The following GPM6A variants were observed in gnomAD, a reference collection of about 807,000 sequenced individuals.
GPM6A encodes the protein glycoprotein M6A.
Under a neutral mutation model 32.1 loss-of-function variants are expected in GPM6A, and 7 were observed. The ratio of observed to expected loss-of-function variants is 0.22; its 90% CI spans 0.12 to 0.41. The LOEUF is 0.41. GPM6A is among the 10% of genes least tolerant of loss of function. GPM6A has a pLI of 1.00. For synonymous variants in GPM6A, 130 were observed against 123.4 expected (o/e 1.05, Z -0.35); for missense variants, 235 against 347.2 (o/e 0.68, Z 2.57).
intron 1 of GPM6A, among the ~76,000 whole-genome samples, chr4:175,952,769 G>C (rs569436011): frequency 2.6e-4 from 39 of 152,054 alleles, no homozygotes; most frequent in Non-Finnish European, 5.4e-4. Flanking sequence ...ATCCGGTGGG[G>C]GCATGGGAAC....
chr4:175,702,835 G>T (rs1010304070), intron 1 of GPM6A, among the ~76,000 whole-genome samples: 1 of 152,086 alleles, frequency 6.6e-6, no homozygotes, highest in African/African-American at 2.4e-5. Flanking sequence ...ATGTAGTAAG[G>T]GAAATTATTT....
intron 1 of GPM6A, among the ~76,000 whole-genome samples, chr4:175,932,295 T>C (rs1459686783): frequency 6.6e-6 from 1 of 152,070 alleles, no homozygotes; most frequent in Non-Finnish European, 1.5e-5. Flanking sequence ...AAGGCTCTTA[T>C]AAACAAGACT....
chr4:175,696,969 A>G (rs1744615963), intron 2 of GPM6A, among the ~76,000 whole-genome samples: 1 of 152,174 alleles, frequency 6.6e-6, no homozygotes, highest in South Asian at 2.1e-4. Context: ...GTAAATAGGA[A>G]CTATTTTATA....
At chr4:175,682,467 C>T (rs186360647) in intron 2 of GPM6A, among the ~76,000 whole-genome samples, 108 of 152,134 alleles carry the variant, frequency 7.1e-4, no homozygotes, top group African/African-American at 2.4e-3. Flanking sequence ...ATATGCATAA[C>T]GGAAAAAGAG....
intron 3 of GPM6A, among the ~76,000 whole-genome samples, chr4:175,659,176 G>A (rs1199480813): frequency 1.3e-5 from 2 of 150,624 alleles, no homozygotes; most frequent in African/African-American, 2.4e-5. Context: ...TCCTCCTCCC[G>A]GGTTCAAGCG....
intron 1 of GPM6A, among the ~76,000 whole-genome samples, chr4:175,742,730 T>TACACAAGA (rs1370010958): frequency 6.6e-5 from 10 of 152,088 alleles, no homozygotes; most frequent in Non-Finnish European, 1.5e-4. Context: ...GCAGAAGTGA[T>TACACAAGA]TTCGAAGAGG....
intron 1 of GPM6A, among the ~76,000 whole-genome samples, chr4:175,722,707 G>A (rs532969013): frequency 8.5e-4 from 129 of 152,204 alleles, no homozygotes; most frequent in Non-Finnish European, 1.7e-3. Flanking sequence ...TGTACAATAT[G>A]TATAATTTTC....
chr4:175,670,753 C>T (rs1031084949), intron 3 of GPM6A, among the ~76,000 whole-genome samples: 2 of 151,740 alleles, frequency 1.3e-5, no homozygotes, highest in South Asian at 2.1e-4. Flanking sequence ...GTGCTGATAC[C>T]GCATGAAAGG....
chr4:175,694,763 A>T (rs2111045883), intron 2 of GPM6A, among the ~76,000 whole-genome samples: 1 of 152,346 alleles, frequency 6.6e-6, no homozygotes, highest in East Asian at 1.9e-4. Context: ...AATTTACATA[A>T]GTAAAAAGAA....
At chr4:175,728,403 G>A (rs35523740) in intron 1 of GPM6A, among the ~76,000 whole-genome samples, 122,981 of 151,422 alleles carry the variant, frequency 0.81, 50,347 homozygotes, top group Non-Finnish European at 0.88. Flanking sequence ...AGAACATAGA[G>A]CTTCTGAAGC....
intron 3 of GPM6A, among the ~76,000 whole-genome samples, chr4:175,667,052 C>T (rs1742792357): frequency 6.6e-6 from 1 of 152,118 alleles, no homozygotes; most frequent in African/African-American, 2.4e-5. Context: ...AAGTTAGAAA[C>T]TTCAAGGTTT....
intron 6 of GPM6A, among the ~76,000 whole-genome samples, chr4:175,638,005 C>T (rs867837807): frequency 2.1e-5 from 3 of 146,162 alleles, no homozygotes; most frequent in Non-Finnish European, 3.0e-5. Flanking sequence ...TAAGGGGAAC[C>T]CAAGCTGCAG....
chr4:175,733,403 T>C (rs1731518286), intron 1 of GPM6A, among the ~76,000 whole-genome samples: 1 of 152,130 alleles, frequency 6.6e-6, no homozygotes, highest in South Asian at 2.1e-4. Flanking sequence ...CTCGGGAGGC[T>C]GAGGCAGGAG....
intron 1 of GPM6A, among the ~76,000 whole-genome samples, chr4:175,835,649 A>ATATATATATATG (rs539818650): frequency 7.0e-6 from 1 of 143,340 alleles, no homozygotes; most frequent in African/African-American, 2.5e-5. Context: ...ATATATATAT[A>ATATATATATATG]TGCTTGTATG....
intron 1 of GPM6A, among the ~76,000 whole-genome samples, chr4:175,825,121 T>C (rs976619090): frequency 3.3e-5 from 5 of 152,222 alleles, no homozygotes; most frequent in African/African-American, 9.6e-5. Flanking sequence ...GAATCTTGAA[T>C]ATAAATTGAA....
At chr4:175,962,088 G>C in intron 1 of GPM6A, 4 of 739,648 alleles carry the variant, frequency 5.4e-6, no homozygotes, top group Non-Finnish European at 1.0e-5. Context: ...TAAAGTCTTT[G>C]GCCCTACAAT....
chr4:175,851,529 AAC>A (rs1456545887), intron 1 of GPM6A, among the ~76,000 whole-genome samples: 2 of 152,092 alleles, frequency 1.3e-5, no homozygotes, highest in Non-Finnish European at 2.9e-5. Context: ...TGAGTGTCCA[AAC>A]ACTCTTAATG....
upstream of GPM6A, among the ~76,000 whole-genome samples, chr4:175,815,365 C>T (rs1221607252): frequency 6.6e-6 from 1 of 152,082 alleles, no homozygotes; most frequent in Non-Finnish European, 1.5e-5. Flanking sequence ...AAATTTGGAT[C>T]TCATTGGAAG....
intron 1 of GPM6A, among the ~76,000 whole-genome samples, chr4:175,923,555 GTTGT>G (rs1163757261): frequency 1.3e-5 from 2 of 151,238 alleles, no homozygotes; most frequent in African/African-American, 2.4e-5. Flanking sequence ...TTTTTTTGTT[GTTGT>G]TTGTTTGTTT....
Sources: gnomAD v4.1 joint callset for allele counts (sites outside exome capture counted in the v4.1 genomes callset) on GRCh38, gnomAD v4.1.1 for gene constraint, MANE v1.5 for transcripts, NCBI Gene and HGNC (gene_info 2026-07-23, HGNC 2026-07-21) for gene names.